Variants in FBXO11 observed in about 807,000 individuals in gnomAD.
FBXO11 encodes the protein F-box protein 11.
In FBXO11, 13 loss-of-function variants were observed where a neutral mutation model predicts 117.0. The ratio of observed to expected loss-of-function variants is 0.11; its 90% CI spans 0.07 to 0.18. The LOEUF is 0.18. Among genes scored for constraint, FBXO11 ranks in the 10% least tolerant of loss-of-function variants. The pLI is 1.00. For missense variants in FBXO11, 767 were observed against 1,164.4 expected (o/e 0.66, Z 4.97); for synonymous variants, 490 against 380.5 (o/e 1.29, Z -3.35).
chr2:47,814,045 C>T, intron 16 of FBXO11, 178 bp from the exon 17 acceptor site: 1 of 540,716 alleles, frequency 1.8e-6, no homozygotes, highest in East Asian at 3.2e-5. Flanking sequence ...CTGTATTTCC[C>T]ACAGAACATA....
At position 47,833,049 on chromosome 2, in the gene FBXO11, T is replaced by A; in HGVS notation, c.956A>T (p.Lys319Ile). 6.2e-7 allele frequency: 1 copy of A among 1,613,232 alleles called. No homozygotes were observed. Among genetic ancestry groups the A allele is most frequent in the Non-Finnish European group, 8.5e-7 (1 of 1,179,504 alleles). The change falls in exon 8 of 23, where the codon AAA becomes ATA. Residue 319 changes from lysine to isoleucine, a missense_variant. Lys to Ile is a moderately radical substitution (Grantham distance 102, BLOSUM62 -3). Around this residue, in one of 10 missense-constraint regions of FBXO11, gnomAD observed 123 missense variants for 145.0 expected, o/e 0.85. Transcript: ENST00000403359. ...ATCTCTAGTGTTTTCAATTATAACTTTGTCTGCCACTTTCCCAGGTGCTGT... is the reference window on the plus strand; with the variant it reads ...ATCTCTAGTGTTTTCAATTATAACTATGTCTGCCACTTTCCCAGGTGCTGT... Reference protein sequence around the residue: ...IGAAPGKVADKVIIENTRDST... With the variant: ...IGAAPGKVADIVIIENTRDST...
At chr2:47,856,740 C>A (rs774253542) in intron 1 of FBXO11, among the ~76,000 whole-genome samples, 7 of 152,144 alleles carry the variant, frequency 4.6e-5, no homozygotes, top group Non-Finnish European at 1.0e-4. Flanking sequence ...AATCAACCTA[C>A]ATATAAATCA....
intron 1 of FBXO11, among the ~76,000 whole-genome samples, chr2:47,865,369 T>G (rs1003920227): frequency 6.6e-6 from 1 of 152,228 alleles, no homozygotes; most frequent in African/African-American, 2.4e-5. Context: ...GTATGACTTC[T>G]GAGATATGTT....
intron 1 of FBXO11, among the ~76,000 whole-genome samples, chr2:47,873,461 C>CT (rs1346805122): frequency 6.6e-6 from 1 of 152,166 alleles, no homozygotes; most frequent in Non-Finnish European, 1.5e-5. Flanking sequence ...ACCTGTGTCT[C>CT]TAATTCCTTA....
At chr2:47,826,178 C>A (rs1671742472) in intron 11 of FBXO11, among the ~76,000 whole-genome samples, 1 of 152,012 alleles carries the variant, frequency 6.6e-6, no homozygotes, top group Non-Finnish European at 1.5e-5. Flanking sequence ...CCTGCCTTAG[C>A]CTCCCGAGTA....
At chr2:47,820,285 T>TA in intron 14 of FBXO11, 77 bp downstream of exon 14, 1 of 1,136,898 alleles carries the variant, frequency 8.8e-7, no homozygotes, top group East Asian at 2.4e-5. Context: ...ATGGCCTACC[T>TA]AAAAGCTTGA....
chr2:47,905,323 G>T, intron 1 of FBXO11, 166 bp downstream of exon 1: 1 of 638,694 alleles, frequency 1.6e-6, no homozygotes, highest in Non-Finnish European at 2.1e-6. Context: ...GGCCGGGCCC[G>T]GCCCGGGCTG....
chr2:47,809,723 C>G lies in FBXO11; in HGVS notation c.2339-16G>C. 6.5e-7 allele frequency: 1 copy of G among 1,544,766 alleles called. No individual in the cohort carries two copies. Among genetic ancestry groups the G allele is most frequent in the Non-Finnish European group, 8.9e-7 (1 of 1,118,450 alleles). On this transcript the variant is annotated splice_polypyrimidine_tract_variant and intron_variant, in intron 19 of 22. Coordinates refer to ENST00000403359, the MANE Select transcript of FBXO11 (RefSeq NM_001190274.2). ...ATTTCAATACCTGAAGTAAAATTTACAAACAAGTAGATACATCACTTTATA... is the reference window on the plus strand; with the variant it reads ...ATTTCAATACCTGAAGTAAAATTTAGAAACAAGTAGATACATCACTTTATA...
At chr2:47,896,832 T>C (rs1006101819) in intron 1 of FBXO11, among the ~76,000 whole-genome samples, 3 of 152,212 alleles carry the variant, frequency 2.0e-5, no homozygotes, top group African/African-American at 7.2e-5. Flanking sequence ...AGTGAGTCTA[T>C]AATTTCCTTT....
chr2:47,858,982 T>C (rs1223049962), intron 1 of FBXO11, among the ~76,000 whole-genome samples: 2 of 140,348 alleles, frequency 1.4e-5, no homozygotes, highest in East Asian at 2.1e-4. Flanking sequence ...GAGGTCGCAG[T>C]GAGCAGAGAT....
At chr2:47,903,428 T>TTTA (rs1278426838) in intron 1 of FBXO11, among the ~76,000 whole-genome samples, 19 of 152,140 alleles carry the variant, frequency 1.2e-4, no homozygotes, top group Admixed American at 1.2e-3. Flanking sequence ...ATATTGACAG[T>TTTA]TTATAGACAT....
chr2:47,875,466 C>T (rs1675930163), intron 1 of FBXO11, among the ~76,000 whole-genome samples: 1 of 149,448 alleles, frequency 6.7e-6, no homozygotes, highest in Admixed American at 6.7e-5. Context: ...CTTCCATCTT[C>T]CTTCTAGGAG....
At chr2:47,815,765 G>T (rs748447053) in intron 16 of FBXO11, among the ~76,000 whole-genome samples, 4 of 152,192 alleles carry the variant, frequency 2.6e-5, no homozygotes, top group Non-Finnish European at 5.9e-5. Flanking sequence ...TAAGGTTAGC[G>T]AGAGTTAGAA....
chr2:47,824,259 G>A (rs1277950870), intron 11 of FBXO11, among the ~76,000 whole-genome samples: 1 of 152,166 alleles, frequency 6.6e-6, no homozygotes, highest in South Asian at 2.1e-4. Flanking sequence ...AGACCGAGCA[G>A]GGAGGACTGC....
intron 1 of FBXO11, among the ~76,000 whole-genome samples, chr2:47,875,998 A>C (rs1226992719): frequency 6.6e-6 from 1 of 152,214 alleles, no homozygotes; most frequent in Non-Finnish European, 1.5e-5. Flanking sequence ...CCTCCCCACA[A>C]CAACTATGAG....
chr2:47,808,542 T>C, intron 21 of FBXO11, 115 bp from the exon 22 acceptor site: 1 of 794,208 alleles, frequency 1.3e-6, no homozygotes, highest in East Asian at 2.7e-5. Flanking sequence ...ACAAAATTCT[T>C]TGTGGCTCCA....
chr2:47,890,504 T>C (rs1406237647), intron 1 of FBXO11, among the ~76,000 whole-genome samples: 1 of 151,994 alleles, frequency 6.6e-6, no homozygotes, highest in East Asian at 1.9e-4. Flanking sequence ...CACGACACAA[T>C]CAGAATTATA....
intron 1 of FBXO11, among the ~76,000 whole-genome samples, chr2:47,870,089 G>C (rs1478303571): frequency 6.6e-6 from 1 of 152,208 alleles, no homozygotes; most frequent in Non-Finnish European, 1.5e-5. Flanking sequence ...CTCCAAGCAA[G>C]AAGGAATTCT....
chr2:47,864,066 T>G (rs1675000451), intron 1 of FBXO11, among the ~76,000 whole-genome samples: 1 of 152,212 alleles, frequency 6.6e-6, no homozygotes, highest in African/African-American at 2.4e-5. Context: ...AATTTTTAAT[T>G]TATTTCCATT....
Sources: allele counts gnomAD v4.1 joint callset (sites outside exome capture counted in the v4.1 genomes callset), GRCh38; gene constraint gnomAD v4.1.1; regional missense constraint gnomAD v4.1.1; transcripts MANE v1.5; gene names NCBI Gene and HGNC (gene_info 2026-07-23, HGNC 2026-07-21).